Variants in ATP9B observed in about 807,000 individuals in gnomAD.
The protein encoded by ATP9B is ATPase phospholipid transporting 9B.
In ATP9B, 110 loss-of-function variants were observed where a neutral mutation model predicts 146.1. The observed-to-expected ratio is 0.75, with a 90% CI of 0.65 to 0.88. ATP9B has a LOEUF of 0.88. Ranked by LOEUF, ATP9B falls within the 40% of genes least tolerant of loss-of-function variation. The pLI is 0.00. For missense variants in ATP9B, 1,499 were observed against 1,496.4 expected, an observed-to-expected ratio of 1.00 and a Z score of -0.03; for synonymous variants, 604 against 569.7, an observed-to-expected ratio of 1.06 and a Z score of -0.86.
intron 6 of ATP9B, 79 bp downstream of exon 6, chr18:79,143,939 T>C: frequency 1.2e-6 from 1 of 847,340 alleles, no homozygotes; most frequent in Non-Finnish European, 1.8e-6. Flanking sequence ...AACTTCTGAA[T>C]TTGAAAGAAA....
At chr18:79,292,812 C>T (rs564149160) in intron 13 of ATP9B, among the ~76,000 whole-genome samples, 3 of 152,080 alleles carry the variant, frequency 2.0e-5, no homozygotes, top group East Asian at 3.9e-4. Flanking sequence ...GGCTGGAGTG[C>T]AGTGGCACAA....
chr18:79,160,112 T>C (rs1376060919), intron 7 of ATP9B, among the ~76,000 whole-genome samples: 1 of 152,240 alleles, frequency 6.6e-6, no homozygotes. Context: ...CATTACTGCC[T>C]TCTTTTGTTT....
chr18:79,146,974 AATACAGTGACATAG>A (rs1286145281), intron 6 of ATP9B: 1 of 152,280 alleles, frequency 6.6e-6, no homozygotes, highest in African/African-American at 2.4e-5. Flanking sequence ...AGTCTCTTCA[AATACAGTGACATAG>A]ATAGGATGAA....
chr18:79,207,701 C>T (rs992758789), intron 10 of ATP9B, among the ~76,000 whole-genome samples: 5 of 152,004 alleles, frequency 3.3e-5, no homozygotes, highest in East Asian at 1.9e-4. Flanking sequence ...ATTGTTGGAG[C>T]TGTGTCTTCT....
chr18:79,071,096 T>C (rs995591281), intron 1 of ATP9B, among the ~76,000 whole-genome samples: 4 of 150,914 alleles, frequency 2.7e-5, no homozygotes, highest in African/African-American at 7.3e-5. Flanking sequence ...GGACACTTTT[T>C]TGGTATCCCT....
chr18:79,188,276 T>G lies in ATP9B; in HGVS notation c.874-4907T>G, dbSNP rs559364501. Among the ~76,000 whole-genome samples the G allele has an allele frequency of 1.6e-4, 25 of 152,306 alleles. No individual in the cohort carries two copies. In the South Asian group the frequency reaches 4.6e-3, roughly 28 times the overall value. ...TGGAAAATAAGAGCTCTTAGAAATATATATGGTTGCTGAAATTTTAAAAAA... is the reference window on the plus strand; with the variant it reads ...TGGAAAATAAGAGCTCTTAGAAATAGATATGGTTGCTGAAATTTTAAAAAA... On this transcript the variant is annotated intron_variant, in intron 8 of 29. Coordinates refer to ENST00000426216, the MANE Select transcript of ATP9B (RefSeq NM_198531.5).
Position 79,253,406 on chromosome 18 carries a change from A to G in ATP9B, c.1133A>G (p.Asn378Ser), listed in dbSNP as rs768993945. The G allele has an allele frequency of 5.0e-6, 8 of 1,610,742 alleles. No homozygotes were observed. Among genetic ancestry groups the G allele is most frequent in the Middle Eastern group, 1.6e-4 (1 of 6,072 alleles). Residue 378 changes from asparagine (N) to serine (S), a missense_variant, in exon 12 of 30, where the codon AAT (asparagine) becomes AGT (serine). Transcript: ENST00000426216. ...GTTGGTTTGTTGGACCTTGAACTCA[A>G]TCGGCTGACGAAAGCGCTATTTTTG... ...NKVGLLDLEL[N>S]RLTKALFLAL...
intron 9 of ATP9B, among the ~76,000 whole-genome samples, chr18:79,193,560 G>A (rs180799558): frequency 3.9e-4 from 60 of 152,188 alleles, no homozygotes; most frequent in Admixed American, 6.5e-4. Context: ...TGAATAGTTG[G>A]TATACTATCT....
intron 7 of ATP9B, among the ~76,000 whole-genome samples, chr18:79,161,662 C>T (rs551746057): frequency 1.4e-3 from 206 of 152,282 alleles, no homozygotes; most frequent in Non-Finnish European, 2.3e-3. Context: ...TCCTGGCTAA[C>T]ATGGTGAAAC....
At chr18:79,209,615 C>T (rs1440269889) in intron 10 of ATP9B, 1 of 982,012 alleles carries the variant, frequency 1.0e-6, no homozygotes, top group Admixed American at 6.1e-5. Context: ...AACATGCCGG[C>T]CCCATCCTGT....
intron 11 of ATP9B, among the ~76,000 whole-genome samples, chr18:79,240,412 C>G (rs775976266): frequency 1.3e-5 from 2 of 152,156 alleles, no homozygotes; most frequent in Non-Finnish European, 2.9e-5. Context: ...GAAAATTCAA[C>G]CTGTTTTTAT....
chr18:79,173,067 G>A (rs1396734753), intron 7 of ATP9B, among the ~76,000 whole-genome samples: 2 of 152,122 alleles, frequency 1.3e-5, no homozygotes, highest in Admixed American at 6.5e-5. Context: ...CGTGGTTTGC[G>A]TGTGCCGTTC....
intron 4 of ATP9B, among the ~76,000 whole-genome samples, chr18:79,116,710 G>A (rs1356486812): frequency 1.6e-5 from 1 of 61,366 alleles, no homozygotes; most frequent in Non-Finnish European, 3.2e-5. Flanking sequence ...CTCATAGGTG[G>A]GAATTGAACA....
chr18:79,212,746 T>A (rs2095595936), intron 10 of ATP9B, among the ~76,000 whole-genome samples: 1 of 152,212 alleles, frequency 6.6e-6, no homozygotes, highest in South Asian at 2.1e-4. Flanking sequence ...TCATCTAATC[T>A]CAGAAGTTTA....
At chr18:79,197,797 C>G (rs531403788) in intron 9 of ATP9B, among the ~76,000 whole-genome samples, 1 of 152,176 alleles carries the variant, frequency 6.6e-6, no homozygotes, top group South Asian at 2.1e-4. Flanking sequence ...AGTAATTAAA[C>G]GTCTCTGCAG....
chr18:79,327,782 CCG>C (rs1333361176), intron 15 of ATP9B, among the ~76,000 whole-genome samples: 3 of 126,416 alleles, frequency 2.4e-5, no homozygotes, highest in Admixed American at 1.6e-4. Context: ...AACGTGCTCT[CCG>C]TGGTTAGCGT....
At chr18:79,183,277 A>T (rs74447813) in intron 8 of ATP9B, among the ~76,000 whole-genome samples, 9,117 of 152,114 alleles carry the variant, frequency 0.06, 403 homozygotes, top group Non-Finnish European at 0.1. Context: ...TTCTAGATTT[A>T]AAAAAAAGCA....
intron 9 of ATP9B, among the ~76,000 whole-genome samples, chr18:79,197,182 A>G (rs888328712): frequency 6.6e-6 from 1 of 152,214 alleles, no homozygotes; most frequent in Non-Finnish European, 1.5e-5. Flanking sequence ...CAGTGAATGA[A>G]ACGACTTTCT....
chr18:79,213,890 A>T, intron 10 of ATP9B, 72 bp from the exon 11 acceptor site: 1 of 1,095,088 alleles, frequency 9.1e-7, no homozygotes, highest in African/African-American at 1.7e-5. Flanking sequence ...CATCAAAACA[A>T]TTAATTAGAA....
Sources: gnomAD v4.1 joint callset for allele counts (sites outside exome capture counted in the v4.1 genomes callset) on GRCh38, gnomAD v4.1.1 for gene constraint, MANE v1.5 for transcripts, NCBI Gene and HGNC (gene_info 2026-07-23, HGNC 2026-07-21) for gene names.